NRXN3: variants seen among roughly 807,000 people sequenced by gnomAD.
The protein encoded by NRXN3 is neurexin III.
In NRXN3, 32 loss-of-function variants were observed where a neutral mutation model predicts 137.6. That is an observed-to-expected ratio of 0.23 (90% CI 0.18 to 0.31). The LOEUF (loss-of-function observed/expected upper bound fraction) is 0.31, where lower values mean the gene tolerates loss of function less well. Ranked by LOEUF, NRXN3 falls within the 10% of genes least tolerant of loss-of-function variation. NRXN3 has a pLI of 1.00. For missense variants in NRXN3, 1,574 were observed against 2,062.5 expected, an observed-to-expected ratio of 0.76 and a Z score of 4.59; for synonymous variants, 798 against 784.5, an observed-to-expected ratio of 1.02 and a Z score of -0.29.
intron 17 of NRXN3, among the ~76,000 whole-genome samples, chr14:79,682,048 A>C (rs2098673223): frequency 6.6e-6 from 1 of 152,202 alleles, no homozygotes; most frequent in African/African-American, 2.4e-5. Flanking sequence ...TAAGAAAATT[A>C]TCCACATTCA....
chr14:78,760,034 C>CTTTTTTTTTT (rs61320632), intron 8 of NRXN3, among the ~76,000 whole-genome samples: 1 of 86,732 alleles, frequency 1.2e-5, no homozygotes, highest in Admixed American at 1.3e-4. Flanking sequence ...AGCCTGCAGT[C>CTTTTTTTTTT]TTTTTTTTTT....
intron 4 of NRXN3, among the ~76,000 whole-genome samples, chr14:78,366,911 A>C (rs1022007520): frequency 6.6e-6 from 1 of 152,204 alleles, no homozygotes; most frequent in Non-Finnish European, 1.5e-5. Context: ...GCATAGGCTC[A>C]AGAGTGAGCT....
chr14:78,760,709 A>G (rs1354692669), intron 8 of NRXN3, among the ~76,000 whole-genome samples: 2 of 151,926 alleles, frequency 1.3e-5, no homozygotes, highest in South Asian at 4.2e-4. Context: ...GCTCTGTTTT[A>G]TGGTCCCATA....
chr14:79,522,505 C>T (rs965365742), intron 16 of NRXN3, among the ~76,000 whole-genome samples: 1 of 152,120 alleles, frequency 6.6e-6, no homozygotes. Context: ...TAACTACCTT[C>T]CAATGTAGCA....
chr14:78,334,821 C>T (rs903306616), intron 4 of NRXN3, among the ~76,000 whole-genome samples: 2 of 151,990 alleles, frequency 1.3e-5, no homozygotes, highest in Admixed American at 1.3e-4. Flanking sequence ...ACTGAGCTTA[C>T]CTATTGTAGA....
intron 16 of NRXN3, among the ~76,000 whole-genome samples, chr14:79,537,110 C>A (rs928894991): frequency 6.6e-6 from 1 of 152,144 alleles, no homozygotes; most frequent in Non-Finnish European, 1.5e-5. Context: ...TCCACAGCCT[C>A]ACTAGCATCT....
intron 4 of NRXN3, among the ~76,000 whole-genome samples, chr14:78,541,971 A>G (rs993923481): frequency 6.6e-6 from 1 of 152,214 alleles, no homozygotes; most frequent in Non-Finnish European, 1.5e-5. Flanking sequence ...CAAATATTGC[A>G]GAACAGCAAA....
At chr14:79,110,072 A>T (rs1453576133) in intron 15 of NRXN3, among the ~76,000 whole-genome samples, 1 of 152,226 alleles carries the variant, frequency 6.6e-6, no homozygotes, top group Non-Finnish European at 1.5e-5. Flanking sequence ...AGGTAGATTC[A>T]AAGAATACCA....
intron 3 of NRXN3, among the ~76,000 whole-genome samples, chr14:78,291,312 G>A (rs1230212099): frequency 6.6e-6 from 1 of 152,166 alleles, no homozygotes; most frequent in African/African-American, 2.4e-5. Flanking sequence ...CTTTCCCATA[G>A]AGCTGTATTT....
At chr14:79,733,675 T>TG (rs959745700) in intron 19 of NRXN3, among the ~76,000 whole-genome samples, 2 of 62,804 alleles carry the variant, frequency 3.2e-5, no homozygotes, top group African/African-American at 1.4e-4. Flanking sequence ...GCTGTTGTTG[T>TG]TTTTTTTTTT....
At chr14:79,746,933 T>A (rs1345733341) in intron 19 of NRXN3, among the ~76,000 whole-genome samples, 1 of 152,126 alleles carries the variant, frequency 6.6e-6, no homozygotes, top group Non-Finnish European at 1.5e-5. Context: ...GATTAAAGAT[T>A]TGCTGAAGCA....
At chr14:79,768,137 C>T (rs2099062836) in intron 19 of NRXN3, among the ~76,000 whole-genome samples, 1 of 152,216 alleles carries the variant, frequency 6.6e-6, no homozygotes. Flanking sequence ...CACGGAGTCT[C>T]CCTGATTGCT....
At chr14:78,305,100 C>G (rs950301396) in intron 4 of NRXN3, among the ~76,000 whole-genome samples, 2 of 152,136 alleles carry the variant, frequency 1.3e-5, no homozygotes, top group Middle Eastern at 6.3e-3. Context: ...TTCTCTTTGA[C>G]CATTGCTGTG....
chr14:79,726,413 CTA>C (rs1278225377), intron 19 of NRXN3, among the ~76,000 whole-genome samples: 1 of 152,118 alleles, frequency 6.6e-6, no homozygotes, highest in Non-Finnish European at 1.5e-5. Flanking sequence ...AACAATTTGG[CTA>C]GCAGAATTTT....
At chr14:78,177,071 G>A (rs928206031) in intron 1 of NRXN3, among the ~76,000 whole-genome samples, 2 of 152,162 alleles carry the variant, frequency 1.3e-5, no homozygotes, top group African/African-American at 2.4e-5. Context: ...AGCCCTGCCC[G>A]TCAAGGGTAC....
At chr14:78,175,559 G>A (rs1055918441) in intron 1 of NRXN3, among the ~76,000 whole-genome samples, 1 of 152,178 alleles carries the variant, frequency 6.6e-6, no homozygotes, top group Non-Finnish European at 1.5e-5. Flanking sequence ...GCTGTGGTCC[G>A]GGACCTGCTG....
intron 4 of NRXN3, among the ~76,000 whole-genome samples, chr14:78,500,411 A>C (rs955351988): frequency 5.9e-5 from 9 of 152,126 alleles, no homozygotes; most frequent in African/African-American, 2.2e-4. Context: ...CTTCTCTGTT[A>C]AATGGTTAAT....
At chr14:79,057,198 A>T (rs1331942258) in intron 15 of NRXN3, among the ~76,000 whole-genome samples, 1 of 152,248 alleles carries the variant, frequency 6.6e-6, no homozygotes, top group Non-Finnish European at 1.5e-5. Flanking sequence ...TGAGAAAGTC[A>T]TGCAGCACAT....
intron 8 of NRXN3, among the ~76,000 whole-genome samples, chr14:78,750,968 C>T (rs900173420): frequency 2.0e-5 from 3 of 152,202 alleles, no homozygotes; most frequent in African/African-American, 7.2e-5. Context: ...ATTAAACTGA[C>T]ATTAACACTG....
Sources: gnomAD v4.1 joint callset for allele counts (sites outside exome capture counted in the v4.1 genomes callset) on GRCh38, gnomAD v4.1.1 for gene constraint, MANE v1.5 for transcripts, NCBI Gene and HGNC (gene_info 2026-07-23, HGNC 2026-07-21) for gene names.